The following TSNAX variants were observed in gnomAD, a reference collection of about 807,000 sequenced individuals.
TSNAX encodes translin-associated protein X.
A neutral mutation model predicts 33.0 loss-of-function variants in TSNAX; 12 were observed. The observed-to-expected ratio is 0.36, with a 90% CI of 0.23 to 0.59. The LOEUF is 0.59. TSNAX is among the 20% of genes least tolerant of loss of function. The pLI, the probability that TSNAX is intolerant of heterozygous loss-of-function variation, is 0.74. For synonymous variants in TSNAX, 110 were observed against 117.2 expected (o/e 0.94, Z 0.40); for missense variants, 267 against 341.3 (o/e 0.78, Z 1.72).
At chr1:231,532,131 AACACACACACACACAC>A (rs745744924) in intron 2 of TSNAX, among the ~76,000 whole-genome samples, 148 of 85,170 alleles carry the variant, frequency 1.7e-3, no homozygotes, top group African/African-American at 3.6e-3. Flanking sequence ...TAGTGGTAAT[AACACACACACACACAC>A]ACACACACAC....
chr1:231,528,888 A>C (rs1428816731), intron 1 of TSNAX, 62 bp downstream of exon 1: 2 of 1,607,900 alleles, frequency 1.2e-6, no homozygotes, highest in African/African-American at 1.3e-5. Context: ...CAGTCTTTCT[A>C]TGCAGTTTTC....
chr1:231,542,844 A>T, intron 4 of TSNAX: 1 of 373,678 alleles, frequency 2.7e-6, no homozygotes, highest in Non-Finnish European at 4.9e-6. Context: ...GAGAACACAG[A>T]TTTAATAGGA....
intron 4 of TSNAX, among the ~76,000 whole-genome samples, chr1:231,551,497 G>A (rs1397391608): frequency 6.6e-6 from 1 of 152,068 alleles, no homozygotes; most frequent in Non-Finnish European, 1.5e-5. Flanking sequence ...ATACATTTAT[G>A]GAAAGCATTT....
chr1:231,531,185 C>T (rs972501823), intron 2 of TSNAX, among the ~76,000 whole-genome samples: 2 of 151,938 alleles, frequency 1.3e-5, no homozygotes, highest in Non-Finnish European at 2.9e-5. Flanking sequence ...TCTTGATCTC[C>T]GAGCTCAAGC....
At chr1:231,541,465 TC>T (rs1263603288) in intron 3 of TSNAX, among the ~76,000 whole-genome samples, 2 of 152,214 alleles carry the variant, frequency 1.3e-5, no homozygotes, top group African/African-American at 2.4e-5. Context: ...ATCTTATACT[TC>T]CTTTTCCATT....
chr1:231,528,864 A>AG, intron 1 of TSNAX, 38 bp downstream of exon 1: 1 of 1,613,664 alleles, frequency 6.2e-7, no homozygotes, highest in Non-Finnish European at 8.5e-7. Context: ...ATTTATCCGG[A>AG]GGGGGAGGTT....
chr1:231,560,388 G>A (rs1660994106), intron 4 of TSNAX, among the ~76,000 whole-genome samples: 1 of 143,716 alleles, frequency 7.0e-6, no homozygotes, highest in Non-Finnish European at 1.5e-5. Flanking sequence ...CAAAATTATG[G>A]AATAGGCTTT....
chr1:231,543,163 A>G (rs141178895), intron 4 of TSNAX, among the ~76,000 whole-genome samples: 56 of 151,800 alleles, frequency 3.7e-4, no homozygotes, highest in African/African-American at 1.3e-3. Flanking sequence ...GGGCGTCAGC[A>G]CAAGACTCCG....
intron 5 of TSNAX, among the ~76,000 whole-genome samples, chr1:231,562,568 T>C (rs1322884325): frequency 6.6e-6 from 1 of 152,192 alleles, no homozygotes; most frequent in Non-Finnish European, 1.5e-5. Flanking sequence ...GTTACCACAC[T>C]TTCCTTTAAA....
chr1:231,561,371 T>C, intron 5 of TSNAX, 116 bp downstream of exon 5: 1 of 907,748 alleles, frequency 1.1e-6, no homozygotes, highest in Non-Finnish European at 1.6e-6. Flanking sequence ...TTCTAAAGTA[T>C]GGTTTTGTAG....
intron 4 of TSNAX, among the ~76,000 whole-genome samples, chr1:231,557,942 G>T (rs766288): frequency 0.4 from 60,912 of 151,900 alleles, 12,647 homozygotes; most frequent in African/African-American, 0.5. Context: ...CCATATAGGG[G>T]ATTATAAGAG....
intron 3 of TSNAX, among the ~76,000 whole-genome samples, chr1:231,541,061 G>A (rs1186454565): frequency 1.3e-5 from 2 of 152,024 alleles, no homozygotes. Context: ...CTGCTTGTTA[G>A]TGCAGGTGTT....
intron 4 of TSNAX, among the ~76,000 whole-genome samples, chr1:231,550,972 A>G (rs1385066306): frequency 6.6e-6 from 1 of 152,084 alleles, no homozygotes; most frequent in Non-Finnish European, 1.5e-5. Context: ...TTTGAGAATT[A>G]TTGGAATGAT....
Position 231,529,105 on chromosome 1 carries a change from G to A in TSNAX, c.17-150G>A, listed in dbSNP as rs1658472247. On this transcript the variant is annotated intron_variant, in intron 1 of 5. Transcript: ENST00000366639. Reference sequence around the variant, plus strand: ...TGGATGATTTGCTTGGAAAGGCCTGGGCAGCGTCTCTGTCAGTCTGCGGAG... The same window carrying A: ...TGGATGATTTGCTTGGAAAGGCCTGAGCAGCGTCTCTGTCAGTCTGCGGAG... The A allele has an allele frequency of 1.2e-5, 10 of 804,980 alleles. No individual in the cohort carries two copies. In the South Asian group the frequency reaches 1.7e-4, roughly 13 times the overall value. The allele number at this position is 804,980 out of a possible 1,614,324, so 49.9% of individuals were successfully genotyped here.
intron 5 of TSNAX, among the ~76,000 whole-genome samples, chr1:231,563,837 A>G (rs552089566): frequency 6.6e-6 from 1 of 152,230 alleles, no homozygotes; most frequent in South Asian, 2.1e-4. Flanking sequence ...AAGAGGCTGG[A>G]AAGAGAACCA....
Position 231,528,751 on chromosome 1 carries a change from C to A in TSNAX, c.-60C>A. 1 of 1,608,860 alleles carries A rather than the reference C, an allele frequency of 6.2e-7. No homozygotes were observed. Among genetic ancestry groups the A allele is most frequent in the Non-Finnish European group, 8.5e-7 (1 of 1,175,700 alleles). On this transcript the variant is annotated 5_prime_UTR_variant, in exon 1 of 6. Transcript: ENST00000366639. Reference sequence around the variant, plus strand: ...CCAGGTTCCCTCGGCCTGTACCTCGCGCACTCCTCTTGCTCCAGGTCCTTC... The same window carrying A: ...CCAGGTTCCCTCGGCCTGTACCTCGAGCACTCCTCTTGCTCCAGGTCCTTC...
At position 231,529,246 on chromosome 1, in the gene TSNAX, C is replaced by G. The variant is rs370364693; in HGVS notation, c.17-9C>G. The G allele has an allele frequency of 1.4e-5, 22 of 1,608,118 alleles. No homozygotes were observed. The highest frequency in any genetic ancestry group is 9.4e-5 in the African/African-American group (7 of 74,288). Reference sequence around the variant, plus strand: ...GAAGATCCCTCTCTTTTTTTCTTCTCTATATAAGGATCAGGAGGGTTCAGG... The same window carrying G: ...GAAGATCCCTCTCTTTTTTTCTTCTGTATATAAGGATCAGGAGGGTTCAGG... On this transcript the variant is annotated splice_polypyrimidine_tract_variant and intron_variant, in intron 1 of 5. Coordinates refer to ENST00000366639, the MANE Select transcript of TSNAX (RefSeq NM_005999.3).
intron 2 of TSNAX, among the ~76,000 whole-genome samples, chr1:231,530,710 CAA>C (rs59803472): frequency 0.031 from 2,294 of 73,148 alleles, 78 homozygotes; most frequent in African/African-American, 0.098. Flanking sequence ...GGCTCCGTCT[CAA>C]AAAAAAAAAA....
At chr1:231,561,332 T>G in intron 5 of TSNAX, 77 bp downstream of exon 5, 2 of 1,169,466 alleles carry the variant, frequency 1.7e-6, no homozygotes, top group Admixed American at 2.5e-5. Flanking sequence ...ATTTACTGGC[T>G]TATGCTAAGA....
Sources: gnomAD v4.1 joint callset for allele counts (sites outside exome capture counted in the v4.1 genomes callset) on GRCh38, gnomAD v4.1.1 for gene constraint, MANE v1.5 for transcripts, NCBI Gene and HGNC (gene_info 2026-07-23, HGNC 2026-07-21) for gene names.